The following NRG1 variants were observed in gnomAD, a reference collection of about 807,000 sequenced individuals.
NRG1 encodes the protein pro-neuregulin-1, membrane-bound isoform.
A neutral mutation model predicts 63.8 loss-of-function variants in NRG1; 18 were observed. The observed-to-expected ratio is 0.28, with a 90% CI of 0.19 to 0.42. The LOEUF (loss-of-function observed/expected upper bound fraction) is 0.42. Ranked by LOEUF, NRG1 falls within the 10% of genes least tolerant of loss-of-function variation. NRG1 has a pLI of 1.00. For synonymous variants in NRG1, 302 were observed against 301.3 expected, an observed-to-expected ratio of 1.00 and a Z score of -0.02; for missense variants, 762 against 814.7, an observed-to-expected ratio of 0.94 and a Z score of 0.79.
chr8:31,784,645 G>GT (rs1412226848), intron 1 of NRG1, among the ~76,000 whole-genome samples: 1 of 152,058 alleles, frequency 6.6e-6, no homozygotes, highest in Non-Finnish European at 1.5e-5. Context: ...AAAGAGCAGG[G>GT]TTCTGGGGCT....
chr8:32,155,820 G>A (rs1355200405), intron 1 of NRG1, among the ~76,000 whole-genome samples: 2 of 151,990 alleles, frequency 1.3e-5, no homozygotes, highest in African/African-American at 4.8e-5. Context: ...CTTTCTTACT[G>A]CCTTTTTATT....
chr8:31,671,370 G>T (rs1360028854), intron 1 of NRG1, among the ~76,000 whole-genome samples: 1 of 152,264 alleles, frequency 6.6e-6, no homozygotes, highest in South Asian at 2.1e-4. Flanking sequence ...TGTTTTTAAA[G>T]TATCTGTTTC....
intron 1 of NRG1, among the ~76,000 whole-genome samples, chr8:31,975,705 C>A (rs1808051731): frequency 6.6e-6 from 1 of 152,144 alleles, no homozygotes; most frequent in African/African-American, 2.4e-5. Context: ...GATAACCCTG[C>A]TCTCTGTGAG....
chr8:32,634,808 A>G (rs1308120429), intron 5 of NRG1, among the ~76,000 whole-genome samples: 2 of 152,226 alleles, frequency 1.3e-5, no homozygotes, highest in Non-Finnish European at 2.9e-5. Context: ...CATACTTTGT[A>G]TCAGTATAAA....
At chr8:32,121,820 T>G (rs1833494244) in intron 1 of NRG1, among the ~76,000 whole-genome samples, 1 of 151,830 alleles carries the variant, frequency 6.6e-6, no homozygotes, top group South Asian at 2.1e-4. Flanking sequence ...TGCCATAGAG[T>G]GTTTTGACAT....
chr8:32,258,605 A>G (rs1295937785), intron 1 of NRG1, among the ~76,000 whole-genome samples: 1 of 152,192 alleles, frequency 6.6e-6, no homozygotes, highest in Non-Finnish European at 1.5e-5. Context: ...CATATCTTAC[A>G]TGGTGGCAGG....
At position 32,385,554 on chromosome 8, in the gene NRG1, C is replaced by T. The variant is rs113029030; in HGVS notation, c.38-210274C>T. 2.6e-3 allele frequency among the ~76,000 whole-genome samples: 388 copies of T among 152,040 alleles called. 3 individuals carry two copies. The highest frequency in any genetic ancestry group is 9.1e-3 in the African/African-American group (376 of 41,476). On this transcript the variant is annotated intron_variant, in intron 1 of 10. Transcript: ENST00000519301. The stretch of plus-strand genomic sequence containing the variant: ...GGCCTAGGGAAATTTACAATCATGG[C>T]GGAAGGCAAAGGAGGAGAAGGCACG...
chr8:32,184,721 G>A (rs1023944993), intron 1 of NRG1, among the ~76,000 whole-genome samples: 7 of 152,104 alleles, frequency 4.6e-5, no homozygotes, highest in African/African-American at 9.7e-5. Context: ...CCATTATAGT[G>A]TATCATCTAT....
At chr8:31,867,937 T>C (rs1829108504) in intron 1 of NRG1, among the ~76,000 whole-genome samples, 1 of 152,122 alleles carries the variant, frequency 6.6e-6, no homozygotes, top group Non-Finnish European at 1.5e-5. Context: ...GCCAACTGTA[T>C]TGGACCAACT....
rs766470262 is a variant in NRG1, at chr8:32,742,792, T to C, written c.691+59T>C. 1.2e-6 allele frequency: 2 copies of C among 1,613,272 alleles called. No individual in the cohort carries two copies. The highest frequency in any genetic ancestry group is 1.1e-5 in the South Asian group (1 of 91,042). ...AGGAGCATGCTCAGTTGGTGCTGCT[T>C]TCTTGTTGCTGCATCTCCCCTCAGA... On this transcript the variant is annotated intron_variant, in intron 7 of 11. Coordinates refer to ENST00000356819, the Ensembl canonical transcript of NRG1. The surrounding 1 kb of genome is among the most constrained non-coding windows in gnomAD (Gnocchi z 4.2).
At chr8:32,409,901 A>C (rs1362341383) in intron 1 of NRG1, among the ~76,000 whole-genome samples, 1 of 152,182 alleles carries the variant, frequency 6.6e-6, no homozygotes, top group African/African-American at 2.4e-5. Context: ...GATTTCTCCC[A>C]GCGAGAGAAT....
chr8:32,662,941 G>A lies in NRG1; in HGVS notation c.502+46056G>A, dbSNP rs192916162. ...AGCGAGATATGCCTGAGAGCCTCCT[G>A]TAAATCAATACGGCTTTATGTGTGA... On this transcript the variant is annotated intron_variant, in intron 5 of 11. Coordinates refer to ENST00000356819, the Ensembl canonical transcript of NRG1. 4.4e-4 allele frequency among the ~76,000 whole-genome samples: 67 copies of A among 152,270 alleles called. 1 individual carries two copies. The highest frequency in any genetic ancestry group is 7.1e-4 in the Non-Finnish European group (48 of 68,012).
chr8:32,084,015 C>A (rs1827874775), intron 1 of NRG1, among the ~76,000 whole-genome samples: 1 of 152,054 alleles, frequency 6.6e-6, no homozygotes, highest in Admixed American at 6.6e-5. Flanking sequence ...TTCTTACATC[C>A]CTCTTTTAGA....
intron 1 of NRG1, among the ~76,000 whole-genome samples, chr8:32,002,855 TAATATATTACCACC>T (rs1415802768): frequency 2.0e-5 from 3 of 152,120 alleles, no homozygotes; most frequent in African/African-American, 7.2e-5. Context: ...TTTCCAAGTC[TAATATATTACCACC>T]TGGTTAGTCT....
chr8:32,073,306 A>T (rs1826020210), intron 1 of NRG1, among the ~76,000 whole-genome samples: 1 of 152,176 alleles, frequency 6.6e-6, no homozygotes, highest in Non-Finnish European at 1.5e-5. Context: ...ATTTCGGGTT[A>T]ATAAGGGGAA....
intron 1 of NRG1, chr8:32,026,190 C>T (rs1817342364): frequency 6.6e-6 from 1 of 151,484 alleles, no homozygotes; most frequent in South Asian, 2.1e-4. Flanking sequence ...TGCCTCAGAC[C>T]CCGGAGTAGC....
intron 1 of NRG1, among the ~76,000 whole-genome samples, chr8:32,538,010 A>C (rs6997848): frequency 0.75 from 114,387 of 151,786 alleles, 43,262 homozygotes; most frequent in East Asian, 0.84. Context: ...CGCCACCATG[A>C]CCACCTAATT....
At chr8:32,112,027 T>A (rs1832092402) in intron 1 of NRG1, among the ~76,000 whole-genome samples, 1 of 152,194 alleles carries the variant, frequency 6.6e-6, no homozygotes, top group Non-Finnish European at 1.5e-5. Flanking sequence ...AACAATGTTT[T>A]ATTGTGTGAC....
At chr8:32,102,464 G>A (rs1173681651) in intron 1 of NRG1, among the ~76,000 whole-genome samples, 1 of 152,154 alleles carries the variant, frequency 6.6e-6, no homozygotes, top group Non-Finnish European at 1.5e-5. Flanking sequence ...TATGTTAGGT[G>A]CTAAGTAATA....
Sources: allele counts gnomAD v4.1 joint callset (sites outside exome capture counted in the v4.1 genomes callset), GRCh38; gene constraint gnomAD v4.1.1; non-coding constraint Gnocchi (gnomAD v3.1); transcripts MANE v1.5; gene names NCBI Gene and HGNC (gene_info 2026-07-23, HGNC 2026-07-21).